PRPSAP1: variants seen among roughly 807,000 people sequenced by gnomAD.
PRPSAP1 encodes phosphoribosyl pyrophosphate synthetase associated protein 1.
In PRPSAP1, 31 loss-of-function variants were observed where a neutral mutation model predicts 39.4. The observed-to-expected ratio is 0.79, with a 90% confidence interval of 0.59 to 1.06. The LOEUF is 1.06. Ranked by LOEUF, PRPSAP1 falls within the 50% of genes least tolerant of loss-of-function variation. The probability of loss-of-function intolerance (pLI) is 0.00; values close to 1 mark genes in which losing one functional copy is unlikely to be tolerated. For synonymous variants in PRPSAP1, 212 were observed against 192.6 expected, an observed-to-expected ratio of 1.10 and a Z score of -0.83; for missense variants, 430 against 511.6, an observed-to-expected ratio of 0.84 and a Z score of 1.54.
rs565330778 is a variant in PRPSAP1, at chr17:76,333,423, C to T, written c.291-988G>A. ...CTATACCCAGCTGGAACTTAATTTT[C>T]GAAAACCTCCCTGGAGGCTGGACGC... On this transcript the variant is annotated intron_variant, in intron 3 of 9. Coordinates refer to ENST00000446526, the MANE Select transcript of PRPSAP1 (RefSeq NM_002766.3). 3.3e-5 allele frequency among the ~76,000 whole-genome samples: 5 copies of T among 152,172 alleles called. 1 individual carries two copies. Among genetic ancestry groups the T allele is most frequent in the South Asian group, 2.1e-4 (1 of 4,826 alleles).
chr17:76,325,038 C>T (rs2071239294), intron 7 of PRPSAP1, among the ~76,000 whole-genome samples: 1 of 146,314 alleles, frequency 6.8e-6, no homozygotes, highest in Non-Finnish European at 1.5e-5. Flanking sequence ...TGCACTCCAG[C>T]CTGGACGACA....
rs1424372743 is a variant in PRPSAP1 at position 76,353,480 on chromosome 17, G to A, written c.170+54C>T. On this transcript the variant is annotated intron_variant, in intron 1 of 9. Coordinates refer to ENST00000446526, the MANE Select transcript of PRPSAP1 (RefSeq NM_002766.3). ...GAGGGGAGCGGGTCCCTCCGGGCGCGAAGGAGAGCTAGGCGCCGCCGCCCC... is the reference window on the plus strand; with the variant it reads ...GAGGGGAGCGGGTCCCTCCGGGCGCAAAGGAGAGCTAGGCGCCGCCGCCCC... 4.2e-6 allele frequency: 6 copies of A among 1,432,564 alleles called. No homozygotes were observed. The East Asian group carries it at 8.9e-5, about 21-fold the overall frequency. 88.7% of individuals were successfully genotyped at this position (1,432,564 alleles called of 1,614,324 possible).
At position 76,353,915 on chromosome 17, in the gene PRPSAP1, G is replaced by A; in HGVS notation, c.-212C>T. ...CGGCGCCGCCGCCTCAGAGCCAGAGGCAAGGCCACCGCCCCCTCCGGGCAT... is the reference window on the plus strand; with the variant it reads ...CGGCGCCGCCGCCTCAGAGCCAGAGACAAGGCCACCGCCCCCTCCGGGCAT... On this transcript the variant is annotated 5_prime_UTR_variant, in exon 1 of 10. Transcript: ENST00000446526. 1 of 1,328,890 alleles carries A rather than the reference G, an allele frequency of 7.5e-7. No individual in the cohort carries two copies. Among genetic ancestry groups the A allele is most frequent in the Non-Finnish European group, 9.6e-7 (1 of 1,045,340 alleles). The allele number at this position is 1,328,890 out of a possible 1,614,324, so 82.3% of individuals were successfully genotyped here.
At chr17:76,345,254 A>AG (rs1555596834) in intron 2 of PRPSAP1, among the ~76,000 whole-genome samples, 4 of 133,490 alleles carry the variant, frequency 3.0e-5, no homozygotes, top group Admixed American at 1.5e-4. Context: ...AAAAAAAAAA[A>AG]AGAGTTCTTC....
At chr17:76,325,864 C>T (rs1452822601) in intron 7 of PRPSAP1, among the ~76,000 whole-genome samples, 1 of 152,068 alleles carries the variant, frequency 6.6e-6, no homozygotes, top group Non-Finnish European at 1.5e-5. Flanking sequence ...CCTCAGCCTC[C>T]CAAAGTGCTG....
chr17:76,325,238 T>C (rs532773128), intron 7 of PRPSAP1, among the ~76,000 whole-genome samples: 87 of 149,376 alleles, frequency 5.8e-4, no homozygotes, highest in Non-Finnish European at 1.2e-4. Context: ...TGAAATGCCG[T>C]CTCTACTAAA....
intron 1 of PRPSAP1, among the ~76,000 whole-genome samples, chr17:76,350,487 C>G (rs2071556987): frequency 1.3e-5 from 2 of 151,738 alleles, no homozygotes; most frequent in South Asian, 4.2e-4. Flanking sequence ...CATGAGGGAG[C>G]CTTGGACAAG....
At chr17:76,331,476 C>T (rs563902968) in intron 4 of PRPSAP1, among the ~76,000 whole-genome samples, 2 of 152,226 alleles carry the variant, frequency 1.3e-5, no homozygotes, top group Admixed American at 1.3e-4. Context: ...CATCATTATT[C>T]CCTAAACAAG....
intron 7 of PRPSAP1, among the ~76,000 whole-genome samples, chr17:76,321,560 T>TATTACTAA (rs1231837581): frequency 1.3e-5 from 2 of 151,972 alleles, no homozygotes; most frequent in African/African-American, 2.4e-5. Flanking sequence ...TTAGTAAATG[T>TATTACTAA]GTATTCTGAC....
At chr17:76,349,754 T>TC (rs1166138856) in intron 1 of PRPSAP1, among the ~76,000 whole-genome samples, 1 of 151,142 alleles carries the variant, frequency 6.6e-6, no homozygotes, top group African/African-American at 2.4e-5. Context: ...GGAGCGAAAC[T>TC]CCATCTCAAA....
chr17:76,329,302 C>T (rs1184146039), intron 6 of PRPSAP1, among the ~76,000 whole-genome samples: 1 of 152,040 alleles, frequency 6.6e-6, no homozygotes, highest in Non-Finnish European at 1.5e-5. Context: ...TGGGCTCAAG[C>T]GATCTCCCGC....
At chr17:76,325,908 C>T (rs1447179452) in intron 7 of PRPSAP1, among the ~76,000 whole-genome samples, 1 of 152,012 alleles carries the variant, frequency 6.6e-6, no homozygotes, top group African/African-American at 2.4e-5. Flanking sequence ...GCCTGGCCAA[C>T]TGCTAGTATT....
intron 3 of PRPSAP1, among the ~76,000 whole-genome samples, chr17:76,342,478 C>A (rs2071450206): frequency 6.6e-6 from 1 of 152,086 alleles, no homozygotes; most frequent in Admixed American, 6.6e-5. Flanking sequence ...CTTTGGGAGG[C>A]TGAGGCGGGT....
chr17:76,329,933 AG>A lies in PRPSAP1; in HGVS notation c.635+109del, dbSNP rs200292644. Reference sequence around the variant, plus strand: ...ACAACGATGGAGGGGTTAACATGAGAGCCAGTGGGCTTTCAAAGGCCACGAG... The same window carrying A: ...ACAACGATGGAGGGGTTAACATGAGACCAGTGGGCTTTCAAAGGCCACGAG... On this transcript the variant is annotated intron_variant, in intron 6 of 9. Transcript: ENST00000446526. 2,888 of 951,202 alleles carry A rather than the reference AG, an allele frequency of 3.0e-3. 51 individuals are homozygous for A. The African/African-American group carries it at 0.039, about 13-fold the overall frequency. 58.9% of individuals were successfully genotyped at this position (951,202 alleles called of 1,614,324 possible).
upstream of PRPSAP1, chr17:76,354,036 G>T: frequency 9.0e-7 from 1 of 1,115,944 alleles, no homozygotes; most frequent in Non-Finnish European, 1.1e-6. Context: ...CGAGGGGCAT[G>T]TCACAGGTTC....
Position 76,310,450 on chromosome 17 carries a change from A to T in PRPSAP1, c.*1092T>A, listed in dbSNP as rs1598512600. On this transcript the variant is annotated 3_prime_UTR_variant, in exon 10 of 10. Transcript: ENST00000446526. Reference sequence around the variant, plus strand: ...CTCCCAAAGTGCAGGGATTACAGGCATAAGACACGATCCCTGGCCTGTTTT... The same window carrying T: ...CTCCCAAAGTGCAGGGATTACAGGCTTAAGACACGATCCCTGGCCTGTTTT... The T allele has an allele frequency of 6.7e-6, 1 of 148,902 alleles. No individual in the cohort carries two copies. The highest frequency in any genetic ancestry group is 2.5e-5 in the African/African-American group (1 of 40,400). The allele number at this position is 148,902 out of a possible 1,614,324, so 9.2% of individuals were successfully genotyped here.
At chr17:76,323,360 C>T (rs1420530677) in intron 7 of PRPSAP1, among the ~76,000 whole-genome samples, 1 of 149,412 alleles carries the variant, frequency 6.7e-6, no homozygotes, top group Non-Finnish European at 1.5e-5. Context: ...AAAAGAAATA[C>T]ATTTTATAAG....
chr17:76,349,576 T>C (rs1466239353), intron 1 of PRPSAP1, among the ~76,000 whole-genome samples: 3 of 151,002 alleles, frequency 2.0e-5, no homozygotes, highest in African/African-American at 7.3e-5. Flanking sequence ...GCCTAACTAA[T>C]ATAATAAAAC....
chr17:76,336,034 A>G (rs1397584393), intron 3 of PRPSAP1, among the ~76,000 whole-genome samples: 1 of 152,194 alleles, frequency 6.6e-6, no homozygotes, highest in Middle Eastern at 3.3e-3. Context: ...ACACAAGTGT[A>G]TGACACCATG....
Sources: allele counts gnomAD v4.1 joint callset (sites outside exome capture counted in the v4.1 genomes callset), GRCh38; gene constraint gnomAD v4.1.1; transcripts MANE v1.5; gene names NCBI Gene and HGNC (gene_info 2026-07-23, HGNC 2026-07-21).